The following RFX7 variants were observed in gnomAD, a reference collection of about 807,000 sequenced individuals.
RFX7 encodes regulatory factor X7.
In RFX7, 26 loss-of-function variants were observed where a neutral mutation model predicts 111.8. The observed-to-expected ratio is 0.23, with a 90% CI of 0.17 to 0.32. The LOEUF (loss-of-function observed/expected upper bound fraction) is 0.32, where lower values mean the gene tolerates loss of function less well. RFX7 is among the 10% of genes least tolerant of loss of function. The pLI is 1.00. For synonymous variants in RFX7, 624 were observed against 624.4 expected, an observed-to-expected ratio of 1.00 and a Z score of 0.01; for missense variants, 1,573 against 1,772.9, an observed-to-expected ratio of 0.89 and a Z score of 2.02.
At chr15:56,206,904 A>G (rs765614090) in intron 2 of RFX7, among the ~76,000 whole-genome samples, 3 of 151,656 alleles carry the variant, frequency 2.0e-5, no homozygotes, top group Non-Finnish European at 4.4e-5. Context: ...GGGATGGTTA[A>G]TAGTTACAAA....
intron 2 of RFX7, among the ~76,000 whole-genome samples, chr15:56,231,117 T>C (rs995811101): frequency 2.0e-5 from 3 of 152,168 alleles, no homozygotes; most frequent in South Asian, 4.1e-4. Context: ...GAAGTGGATG[T>C]TGAATGCTGG....
intron 8 of RFX7, 58 bp downstream of exon 8, chr15:56,101,301 A>C: frequency 7.2e-7 from 1 of 1,385,608 alleles, no homozygotes; most frequent in East Asian, 2.5e-5. Context: ...TTTTGCTACC[A>C]ATTCTAAATA....
Position 56,088,014 on chromosome 15 carries a change from G to C in RFX7, c.*5331C>G. The C allele has an allele frequency of 3.2e-6, 1 of 308,034 alleles. No homozygotes were observed. Among genetic ancestry groups the C allele is most frequent in the South Asian group, 2.7e-5 (1 of 37,494 alleles). The allele number at this position is 308,034 out of a possible 1,614,324, so 19.1% of individuals were successfully genotyped here. A position where few individuals can be genotyped will look rare whatever the true frequency, so the allele number is the denominator to read the frequency against. On this transcript the variant is annotated 3_prime_UTR_variant, in exon 10 of 10. Transcript: ENST00000559447. ...TTCTATGGAGAGAAGGGAGGGAAAA[G>C]GATTCAAGTAATTTGGAGGAAAATT... is the stretch of plus-strand genomic sequence containing the variant.
chr15:56,107,202 CAGG>C (rs1248640826), intron 5 of RFX7, among the ~76,000 whole-genome samples: 2 of 135,186 alleles, frequency 1.5e-5, no homozygotes, highest in Non-Finnish European at 3.0e-5. Context: ...GAGGCTGAGG[CAGG>C]AGAATGGCGT....
chr15:56,177,197 T>C (rs970969265), intron 3 of RFX7, among the ~76,000 whole-genome samples: 1 of 152,126 alleles, frequency 6.6e-6, no homozygotes, highest in Non-Finnish European at 1.5e-5. Flanking sequence ...CACCAGGAGA[T>C]CATGACTCAA....
At chr15:56,182,712 A>G (rs1342756497) in intron 2 of RFX7, among the ~76,000 whole-genome samples, 1 of 152,100 alleles carries the variant, frequency 6.6e-6, no homozygotes, top group African/African-American at 2.4e-5. Flanking sequence ...ATCCCATTGA[A>G]TGAATAATAA....
chr15:56,223,671 A>T (rs576819998), intron 2 of RFX7, among the ~76,000 whole-genome samples: 2 of 152,310 alleles, frequency 1.3e-5, no homozygotes, highest in South Asian at 4.1e-4. Flanking sequence ...ATTTTTCAAG[A>T]AATTAAAAAA....
At chr15:56,177,085 C>A (rs559397885) in intron 3 of RFX7, among the ~76,000 whole-genome samples, 1 of 152,124 alleles carries the variant, frequency 6.6e-6, no homozygotes, top group African/African-American at 2.4e-5. Context: ...TACTTCCTTC[C>A]GTAAGTTCCA....
intron 5 of RFX7, among the ~76,000 whole-genome samples, chr15:56,109,469 C>G (rs550045970): frequency 6.6e-6 from 1 of 152,186 alleles, no homozygotes; most frequent in Non-Finnish European, 1.5e-5. Flanking sequence ...GGCCGCCACC[C>G]GGTCTGGGAG....
intron 3 of RFX7, among the ~76,000 whole-genome samples, chr15:56,158,503 AT>A (rs1314521504): frequency 1.3e-5 from 2 of 151,712 alleles, no homozygotes; most frequent in East Asian, 1.9e-4. Context: ...GTAGAAAAAA[AT>A]TTTTTTTTAC....
chr15:56,117,215 T>A (rs1274194360), intron 5 of RFX7, among the ~76,000 whole-genome samples: 1 of 152,148 alleles, frequency 6.6e-6, no homozygotes, highest in African/African-American at 2.4e-5. Context: ...TAAAATGCCA[T>A]GCCTGAGCTA....
At chr15:56,204,087 C>T (rs183745082) in intron 2 of RFX7, among the ~76,000 whole-genome samples, 247 of 144,466 alleles carry the variant, frequency 1.7e-3, no homozygotes, top group Non-Finnish European at 1.3e-3. Flanking sequence ...GTGGCCCAAT[C>T]GTGGCTCATT....
intron 5 of RFX7, among the ~76,000 whole-genome samples, chr15:56,111,789 G>A (rs1863649597): frequency 6.6e-6 from 1 of 150,910 alleles, no homozygotes; most frequent in African/African-American, 2.4e-5. Context: ...GTATCTAAAA[G>A]TTCTCCAGGT....
intron 2 of RFX7, among the ~76,000 whole-genome samples, chr15:56,230,626 T>C (rs1463198403): frequency 3.3e-5 from 5 of 152,292 alleles, no homozygotes; most frequent in Middle Eastern, 3.4e-3. Context: ...AAAATTGTTG[T>C]CCCCACCTTC....
intron 5 of RFX7, among the ~76,000 whole-genome samples, chr15:56,139,660 G>C (rs1398590874): frequency 6.6e-6 from 1 of 152,208 alleles, no homozygotes; most frequent in African/African-American, 2.4e-5. Flanking sequence ...TGCTGGTGAG[G>C]AACTGCGTTC....
Position 56,089,431 on chromosome 15 carries a change from C to CTA in RFX7, c.*3912_*3913dup, listed in dbSNP as rs1260860608. The CTA allele has an allele frequency of 6.6e-6, 1 of 152,432 alleles. No homozygotes were observed. Among genetic ancestry groups the CTA allele is most frequent in the African/African-American group, 2.4e-5 (1 of 41,404 alleles). 9.4% of individuals were successfully genotyped at this position (152,432 alleles called of 1,614,324 possible). On this transcript the variant is annotated 3_prime_UTR_variant, in exon 10 of 10. Coordinates refer to ENST00000559447, the MANE Select transcript of RFX7 (RefSeq NM_022841.7). Reference sequence around the variant, plus strand: ...ACCATTGAATGAACCCTTGAACCTCCTATCTCCACTATTATTAAGCTAAAA... The same window carrying CTA: ...ACCATTGAATGAACCCTTGAACCTCCTATATCTCCACTATTATTAAGCTAAAA...
intron 2 of RFX7, among the ~76,000 whole-genome samples, chr15:56,212,288 C>T (rs1596012530): frequency 6.6e-6 from 1 of 152,062 alleles, no homozygotes. Context: ...CAACTATTGA[C>T]ATGCAGGGAA....
intron 3 of RFX7, among the ~76,000 whole-genome samples, chr15:56,177,891 C>T (rs1194737315): frequency 1.3e-5 from 2 of 152,074 alleles, no homozygotes; most frequent in Non-Finnish European, 2.9e-5. Flanking sequence ...GTATTACTCC[C>T]TCCACTCCCA....
intron 5 of RFX7, among the ~76,000 whole-genome samples, chr15:56,130,961 G>A (rs1264825559): frequency 1.3e-5 from 2 of 152,090 alleles, no homozygotes; most frequent in African/African-American, 4.8e-5. Context: ...GGCCTAGATG[G>A]TTTTGTAGTT....
Sources: gnomAD v4.1 joint callset for allele counts (sites outside exome capture counted in the v4.1 genomes callset) on GRCh38, gnomAD v4.1.1 for gene constraint, MANE v1.5 for transcripts, NCBI Gene and HGNC (gene_info 2026-07-23, HGNC 2026-07-21) for gene names.